SGCZ: variants seen among roughly 807,000 people sequenced by gnomAD.
SGCZ encodes the protein zeta-sarcoglycan.
SGCZ carries 40 observed loss-of-function variants against 41.3 expected under a neutral mutation model. The observed-to-expected ratio is 0.97, with a 90% CI of 0.75 to 1.26. SGCZ has a LOEUF of 1.26. SGCZ is among the 50% of genes most tolerant of loss of function. The pLI, the probability that SGCZ is intolerant of heterozygous loss-of-function variation, is 0.00. For missense variants in SGCZ, 552 were observed against 369.8 expected (o/e 1.49, Z -4.04); for synonymous variants, 206 against 137.5 (o/e 1.50, Z -3.49).
intron 1 of SGCZ, among the ~76,000 whole-genome samples, chr8:15,185,072 T>C (rs142098510): frequency 9.5e-4 from 144 of 152,266 alleles, no homozygotes; most frequent in African/African-American, 3.1e-3. Context: ...AGGTGGAAAA[T>C]GGATCTCAAA....
chr8:14,548,504 G>A (rs1028994437), intron 2 of SGCZ, among the ~76,000 whole-genome samples: 4 of 152,032 alleles, frequency 2.6e-5, no homozygotes, highest in African/African-American at 9.7e-5. Context: ...AATGCTTACA[G>A]GTAAAAGCAT....
intron 1 of SGCZ, among the ~76,000 whole-genome samples, chr8:14,957,655 T>C (rs1170679618): frequency 1.3e-5 from 2 of 152,044 alleles, no homozygotes; most frequent in Non-Finnish European, 2.9e-5. Context: ...AAAGCTACTT[T>C]GGGATATTTG....
At chr8:14,355,678 G>A (rs1036115700) in intron 2 of SGCZ, among the ~76,000 whole-genome samples, 2 of 151,676 alleles carry the variant, frequency 1.3e-5, no homozygotes, top group African/African-American at 4.8e-5. Flanking sequence ...AAAAATGAAA[G>A]GACTGAAGGT....
chr8:14,303,183 C>G (rs1801251027), intron 3 of SGCZ, among the ~76,000 whole-genome samples: 1 of 152,126 alleles, frequency 6.6e-6, no homozygotes, highest in African/African-American at 2.4e-5. Context: ...GAAGCAGTTT[C>G]TACAGGGAAT....
intron 2 of SGCZ, among the ~76,000 whole-genome samples, chr8:14,347,936 C>T (rs1161846757): frequency 6.6e-6 from 1 of 152,128 alleles, no homozygotes; most frequent in Non-Finnish European, 1.5e-5. Flanking sequence ...GAGAATATAG[C>T]ATTAAAATGT....
intron 4 of SGCZ, among the ~76,000 whole-genome samples, chr8:14,204,050 G>T (rs938002085): frequency 6.6e-6 from 1 of 152,060 alleles, no homozygotes; most frequent in Admixed American, 6.6e-5. Flanking sequence ...GGTGCATGTT[G>T]GAAATGCCAG....
rs1800540987 is a variant in SGCZ at position 14,284,158 on chromosome 8, A to C, written c.336+39945T>G. Reference sequence around the variant, plus strand: ...TGCAATCCAAGCACTTTGGAGTCCAAGGCAGGCAGATTGCTTGGGTCTAAG... The same window carrying C: ...TGCAATCCAAGCACTTTGGAGTCCACGGCAGGCAGATTGCTTGGGTCTAAG... On this transcript the variant is annotated intron_variant, in intron 3 of 7. Coordinates refer to ENST00000382080, the MANE Select transcript of SGCZ (RefSeq NM_139167.4). 2.6e-5 allele frequency among the ~76,000 whole-genome samples: 4 copies of C among 152,362 alleles called. No homozygotes were observed. The South Asian group carries it at 8.3e-4, about 32-fold the overall frequency.
chr8:14,282,496 T>G (rs1017531797), intron 3 of SGCZ, among the ~76,000 whole-genome samples: 1 of 152,148 alleles, frequency 6.6e-6, no homozygotes, highest in African/African-American at 2.4e-5. Flanking sequence ...CAGCTCACTC[T>G]CTTCCTCAGC....
chr8:14,227,077 C>A (rs933957511), intron 4 of SGCZ, among the ~76,000 whole-genome samples: 1 of 151,824 alleles, frequency 6.6e-6, no homozygotes. Flanking sequence ...AGCAATCAGC[C>A]CGCAAGTGAG....
chr8:14,720,509 AC>A (rs1337455717), intron 1 of SGCZ, among the ~76,000 whole-genome samples: 1 of 151,952 alleles, frequency 6.6e-6, no homozygotes, highest in African/African-American at 2.4e-5. Flanking sequence ...CTCATCATTA[AC>A]CTAAGGTTCC....
At chr8:14,857,262 G>A (rs1435900762) in intron 1 of SGCZ, among the ~76,000 whole-genome samples, 2 of 152,130 alleles carry the variant, frequency 1.3e-5, no homozygotes, top group African/African-American at 4.8e-5. Context: ...TGCACAGCCT[G>A]CAGTACTGAA....
In SGCZ at chr8:14,089,160, T is replaced by C. The variant is rs1302088089; in HGVS notation, c.*1283A>G. Among the ~76,000 whole-genome samples, 2 of 151,886 alleles carry C rather than the reference T, an allele frequency of 1.3e-5. No individual in the cohort carries two copies. The highest frequency in any genetic ancestry group is 1.9e-4 in the East Asian group (1 of 5,158). ...AAGAGGTCATATACAAAAATAAGCA[T>C]TGGAAAATGAAAAGAACTATAATTT... On this transcript the variant is annotated 3_prime_UTR_variant, in exon 8 of 8. Coordinates refer to ENST00000382080, the MANE Select transcript of SGCZ (RefSeq NM_139167.4).
chr8:14,802,799 C>T (rs781076019), intron 1 of SGCZ, among the ~76,000 whole-genome samples: 2 of 152,058 alleles, frequency 1.3e-5, no homozygotes, highest in South Asian at 2.1e-4. Flanking sequence ...TAAAGAGGAG[C>T]GAATGTTCCA....
At chr8:14,898,528 C>T (rs73666928) in intron 1 of SGCZ, among the ~76,000 whole-genome samples, 6,158 of 152,154 alleles carry the variant, frequency 0.04, 348 homozygotes, top group African/African-American at 0.13. Flanking sequence ...AATATTCTTT[C>T]AGTTTCAGCA....
intron 1 of SGCZ, among the ~76,000 whole-genome samples, chr8:15,112,959 T>G (rs1807126877): frequency 6.6e-6 from 1 of 152,012 alleles, no homozygotes; most frequent in Non-Finnish European, 1.5e-5. Context: ...CAGGGCACAG[T>G]ACACTTTCAG....
chr8:15,087,577 G>C (rs80170094), intron 1 of SGCZ, among the ~76,000 whole-genome samples: 1 of 152,078 alleles, frequency 6.6e-6, no homozygotes, highest in Non-Finnish European at 1.5e-5. Context: ...CCACTGAAGT[G>C]TCATTGAGAA....
chr8:15,210,962 C>A (rs538494176), intron 1 of SGCZ, among the ~76,000 whole-genome samples: 1 of 151,770 alleles, frequency 6.6e-6, no homozygotes, highest in Non-Finnish European at 1.5e-5. Flanking sequence ...AATCTTGGAT[C>A]AATCCAACTG....
intron 1 of SGCZ, among the ~76,000 whole-genome samples, chr8:14,785,346 T>C (rs1800735159): frequency 6.6e-6 from 1 of 152,100 alleles, no homozygotes; most frequent in Admixed American, 6.6e-5. Context: ...GAATGTGAAA[T>C]ATTAAAAATA....
chr8:14,887,805 C>T (rs899294030), intron 1 of SGCZ, among the ~76,000 whole-genome samples: 15 of 152,140 alleles, frequency 9.9e-5, no homozygotes, highest in African/African-American at 3.6e-4. Flanking sequence ...TATTTATGTG[C>T]CTGGCTTATC....
Sources: allele counts gnomAD v4.1 joint callset (sites outside exome capture counted in the v4.1 genomes callset), GRCh38; gene constraint gnomAD v4.1.1; transcripts MANE v1.5; gene names NCBI Gene and HGNC (gene_info 2026-07-23, HGNC 2026-07-21).